The following TIAM1 variants were observed in gnomAD, a reference collection of about 807,000 sequenced individuals.
The protein encoded by TIAM1 is TIAM Rac1 associated GEF 1, also known as rho guanine nucleotide exchange factor TIAM1.
TIAM1 carries 65 observed loss-of-function variants against 163.5 expected under a neutral mutation model. The ratio of observed to expected loss-of-function variants is 0.40; its 90% confidence interval spans 0.33 to 0.49. The LOEUF is 0.49. Among genes scored for constraint, TIAM1 ranks in the 20% least tolerant of loss-of-function variants. The pLI is 0.77. For synonymous variants in TIAM1, 833 were observed against 810.1 expected (o/e 1.03, Z -0.48); for missense variants, 1,789 against 2,044.7 (o/e 0.87, Z 2.41).
intron 14 of TIAM1, among the ~76,000 whole-genome samples, chr21:31,185,478 C>A (rs1479942936): frequency 7.2e-6 from 1 of 139,074 alleles, no homozygotes; most frequent in Non-Finnish European, 1.5e-5. Flanking sequence ...TTAATATATT[C>A]TATATTTATA....
chr21:31,457,467 C>T (rs895186838), intron 2 of TIAM1, among the ~76,000 whole-genome samples: 1 of 152,144 alleles, frequency 6.6e-6, no homozygotes, highest in African/African-American at 2.4e-5. Flanking sequence ...TGATTTTAAC[C>T]ATCAAACACA....
rs2084134740 is a variant in TIAM1 at position 31,164,977 on chromosome 21, A to G, written c.2976T>C (p.Thr992=). 1 of 1,614,164 alleles carries G rather than the reference A, an allele frequency of 6.2e-7. No homozygotes were observed. The highest frequency in any genetic ancestry group is 1.1e-5 in the South Asian group (1 of 91,082). ...AATCTCTCACCTTGCTGCTGTGATC[A>G]GTCTCATCTGAGGATTCCAAGTCTG... is the stretch of plus-strand genomic sequence containing the variant. ...EGPDLESSDE[T]DHSSKSTEQV... The change falls in exon 16 of 28, where the codon ACT becomes ACC. Residue 992 remains threonine (T), a synonymous_variant. Coordinates refer to ENST00000541036, the MANE Select transcript of TIAM1 (RefSeq NM_001353694.2).
intron 2 of TIAM1, among the ~76,000 whole-genome samples, chr21:31,328,297 G>C (rs2075562201): frequency 6.6e-6 from 1 of 152,074 alleles, no homozygotes; most frequent in African/African-American, 2.4e-5. Flanking sequence ...CCATATCTGT[G>C]GACTCAACCA....
intron 2 of TIAM1, among the ~76,000 whole-genome samples, chr21:31,418,672 G>A (rs906687123): frequency 7.9e-5 from 12 of 152,184 alleles, no homozygotes; most frequent in African/African-American, 2.9e-4. Context: ...ACAGGAGTTA[G>A]AGGGGTCACC....
intron 2 of TIAM1, among the ~76,000 whole-genome samples, chr21:31,404,536 CTT>C (rs35784628): frequency 3.7e-4 from 52 of 139,844 alleles, no homozygotes; most frequent in African/African-American, 6.5e-4. Flanking sequence ...CCAGTATGGT[CTT>C]TTTTTTTTTT....
intron 2 of TIAM1, among the ~76,000 whole-genome samples, chr21:31,289,777 A>C (rs1411194542): frequency 6.6e-6 from 1 of 152,216 alleles, no homozygotes; most frequent in Non-Finnish European, 1.5e-5. Flanking sequence ...AACGTTTCTC[A>C]AACAGTGATA....
intron 19 of TIAM1, among the ~76,000 whole-genome samples, chr21:31,150,520 G>T (rs553537028): frequency 6.6e-6 from 1 of 152,158 alleles, no homozygotes; most frequent in East Asian, 1.9e-4. Context: ...TAGAAAAATT[G>T]GATATTCATA....
chr21:31,410,509 GT>G (rs1389974776), intron 2 of TIAM1, among the ~76,000 whole-genome samples: 23 of 8,640 alleles, frequency 2.7e-3, no homozygotes, highest in East Asian at 0.036. Flanking sequence ...GTGTGTATGT[GT>G]ATGTGAGAGT....
intron 1 of TIAM1, among the ~76,000 whole-genome samples, chr21:31,507,558 T>G (rs2047074899): frequency 6.6e-6 from 1 of 152,270 alleles, no homozygotes; most frequent in Admixed American, 6.5e-5. Context: ...CTACAACTAA[T>G]AGCAAAATAT....
rs142720537 is a variant in TIAM1 at position 31,189,733 on chromosome 21, C to A, written c.2576-2646G>T. ...CCTTGCCTTGCAACAAACATGTGAG[C>A]GGCTTCCATTTAAAGATGCCAATAC... is the stretch of plus-strand genomic sequence containing the variant. On this transcript the variant is annotated intron_variant, in intron 13 of 27. Coordinates refer to ENST00000541036, the MANE Select transcript of TIAM1 (RefSeq NM_001353694.2). Among the ~76,000 whole-genome samples the A allele has an allele frequency of 5.6e-3, 857 of 152,074 alleles. 17 individuals are homozygous for A. The highest frequency in any genetic ancestry group is 0.051 in the Admixed American group (775 of 15,270).
intron 2 of TIAM1, among the ~76,000 whole-genome samples, chr21:31,409,112 CTTT>C (rs200352360): frequency 3.0e-4 from 43 of 141,112 alleles, no homozygotes; most frequent in African/African-American, 7.6e-4. Context: ...TTCTCCTTTT[CTTT>C]TTTTTTTTTT....
chr21:31,553,683 A>G (rs562290108), intron 1 of TIAM1, among the ~76,000 whole-genome samples: 1 of 152,140 alleles, frequency 6.6e-6, no homozygotes, highest in African/African-American at 2.4e-5. Flanking sequence ...TGGGGCTGCA[A>G]TCTTTCCCAA....
At chr21:31,126,919 C>A in intron 26 of TIAM1, 146 bp downstream of exon 26, 1 of 711,834 alleles carries the variant, frequency 1.4e-6, no homozygotes, top group East Asian at 2.8e-5. Flanking sequence ...GCTGTCAGCT[C>A]CTCCCAGCTG....
chr21:31,412,784 TAAAA>T (rs77221722), intron 2 of TIAM1, among the ~76,000 whole-genome samples: 19 of 103,512 alleles, frequency 1.8e-4, no homozygotes, highest in Non-Finnish European at 9.8e-5. Flanking sequence ...TGTCTCAGGT[TAAAA>T]AAAAAAAAAA....
intron 2 of TIAM1, among the ~76,000 whole-genome samples, chr21:31,394,726 T>TCACACACACACA (rs1166298815): frequency 1.2e-5 from 1 of 81,564 alleles, no homozygotes; most frequent in African/African-American, 4.8e-5. Context: ...TCTCTCTCTC[T>TCACACACACACA]CTCACACACA....
At chr21:31,218,919 TC>T (rs2087377637) in intron 8 of TIAM1, among the ~76,000 whole-genome samples, 1 of 151,892 alleles carries the variant, frequency 6.6e-6, no homozygotes. Flanking sequence ...CACTTACATG[TC>T]CTATGTTTAG....
intron 27 of TIAM1, among the ~76,000 whole-genome samples, chr21:31,121,809 A>C (rs2082012632): frequency 6.6e-6 from 1 of 152,224 alleles, no homozygotes; most frequent in Non-Finnish European, 1.5e-5. Flanking sequence ...CATCCGATCA[A>C]GCCAACAATC....
intron 19 of TIAM1, among the ~76,000 whole-genome samples, chr21:31,147,748 AAT>A (rs1369532205): frequency 1.4e-5 from 2 of 142,836 alleles, no homozygotes; most frequent in Non-Finnish European, 3.0e-5. Context: ...AAAAATATAT[AAT>A]ATATAATTAA....
chr21:31,389,182 T>C (rs1486303028), intron 2 of TIAM1, among the ~76,000 whole-genome samples: 1 of 152,242 alleles, frequency 6.6e-6, no homozygotes, highest in African/African-American at 2.4e-5. Flanking sequence ...CTTATGATGT[T>C]TTTCCCAACC....
Sources: gnomAD v4.1 joint callset for allele counts (sites outside exome capture counted in the v4.1 genomes callset) on GRCh38, gnomAD v4.1.1 for gene constraint, MANE v1.5 for transcripts, NCBI Gene and HGNC (gene_info 2026-07-23, HGNC 2026-07-21) for gene names.